The following CCDC134 variants were observed in gnomAD, a reference collection of about 807,000 sequenced individuals.
CCDC134 encodes coiled-coil domain-containing protein 134.
In CCDC134, 27 loss-of-function variants were observed where a neutral mutation model predicts 25.6. That is an observed-to-expected ratio of 1.05 (90% CI 0.78 to 1.45). CCDC134 has a LOEUF of 1.45. Among genes scored for constraint, CCDC134 ranks in the 40% most tolerant of loss-of-function variants. CCDC134 has a pLI of 0.00. For synonymous variants in CCDC134, 110 were observed against 115.0 expected (o/e 0.96, Z 0.28); for missense variants, 261 against 286.7 (o/e 0.91, Z 0.65).
chr22:41,813,762 G>A lies in CCDC134; in HGVS notation c.504G>A (p.Glu168=), dbSNP rs756052733. The stretch of plus-strand genomic sequence containing the variant: ...TTCTTCATCTGCAGATGGCCCAGGA[G>A]CTGGGGATCAGTGAGAAAGACTCCA... ...HSPILSLMAQ[E]LGISEKDSNF... The change falls in exon 6 of 7, where the codon GAG becomes GAA. Residue 168 remains glutamate (E), a synonymous_variant. Coordinates refer to ENST00000255784, the MANE Select transcript of CCDC134 (RefSeq NM_024821.5). The A allele has an allele frequency of 1.9e-6, 3 of 1,614,204 alleles. No homozygotes were observed. The highest frequency in any genetic ancestry group is 2.2e-5 in the South Asian group (2 of 91,092).
rs183674109 is a variant in CCDC134 at position 41,819,023 on chromosome 22, G to T, written c.564+5201G>T. 1.2e-4 allele frequency among the ~76,000 whole-genome samples: 19 copies of T among 152,256 alleles called. No homozygotes were observed. In the East Asian group the frequency reaches 3.3e-3, roughly 26 times the overall value. ...GCTTTATCATAACGTATTCTACTTGGACATAACCACAGCAGCAACATACTT... is the reference window on the plus strand; with the variant it reads ...GCTTTATCATAACGTATTCTACTTGTACATAACCACAGCAGCAACATACTT... On this transcript the variant is annotated intron_variant, in intron 6 of 6. Coordinates refer to ENST00000255784, the MANE Select transcript of CCDC134 (RefSeq NM_024821.5).
intron 6 of CCDC134, among the ~76,000 whole-genome samples, chr22:41,816,321 A>C (rs2076622725): frequency 6.6e-6 from 1 of 152,268 alleles, no homozygotes; most frequent in Non-Finnish European, 1.5e-5. Flanking sequence ...AGACATCAGG[A>C]AAAGCAGATG....
rs759550671 is a variant in CCDC134, at chr22:41,825,257, C to T, written c.565-441C>T. Among the ~76,000 whole-genome samples the T allele has an allele frequency of 1.3e-5, 2 of 151,768 alleles. No individual in the cohort carries two copies. Among genetic ancestry groups the T allele is most frequent in the Non-Finnish European group, 2.9e-5 (2 of 67,924 alleles). ...CAGTTGAAGAATGCCCCCACGCCAC[C>T]CCCTACCGCCAATGAAGTCCTCATC... On this transcript the variant is annotated intron_variant, in intron 6 of 6. Coordinates refer to ENST00000255784, the MANE Select transcript of CCDC134 (RefSeq NM_024821.5). This position sits in a 1 kb window ranked among gnomAD's most constrained non-coding sequence, Gnocchi z 4.4.
intron 1 of CCDC134, among the ~76,000 whole-genome samples, chr22:41,808,547 G>T (rs1383046995): frequency 6.6e-6 from 1 of 152,198 alleles, no homozygotes; most frequent in Non-Finnish European, 1.5e-5. Context: ...GAAGGCTGAG[G>T]CTCAGAAAGG....
At chr22:41,802,050 C>T (rs1008296409) in intron 1 of CCDC134, among the ~76,000 whole-genome samples, 4 of 152,150 alleles carry the variant, frequency 2.6e-5, no homozygotes, top group Non-Finnish European at 4.4e-5. Flanking sequence ...TGTAAGTTTG[C>T]AGTGGCCTTT....
intron 6 of CCDC134, among the ~76,000 whole-genome samples, chr22:41,818,476 G>C (rs1569357485): frequency 6.6e-6 from 1 of 152,202 alleles, no homozygotes; most frequent in Non-Finnish European, 1.5e-5. Flanking sequence ...TCTGCTAAGG[G>C]CTAACCTTGG....
At chr22:41,818,532 C>CT (rs1420743730) in intron 6 of CCDC134, among the ~76,000 whole-genome samples, 1 of 152,206 alleles carries the variant, frequency 6.6e-6, no homozygotes, top group African/African-American at 2.4e-5. Context: ...TGTGTTGACT[C>CT]TTTTCTGTAC....
intron 6 of CCDC134, among the ~76,000 whole-genome samples, chr22:41,824,032 C>T (rs1165822092): frequency 4.6e-5 from 7 of 152,218 alleles, no homozygotes; most frequent in African/African-American, 7.2e-5. Context: ...ATATTGAATG[C>T]TCTTGAAAAG....
chr22:41,803,427 G>A (rs939658430), intron 1 of CCDC134, among the ~76,000 whole-genome samples: 7 of 152,138 alleles, frequency 4.6e-5, no homozygotes, highest in African/African-American at 1.7e-4. Context: ...ATTCTGTCAG[G>A]AGTGATACTT....
intron 1 of CCDC134, among the ~76,000 whole-genome samples, chr22:41,804,319 T>C (rs2076557866): frequency 6.6e-6 from 1 of 152,190 alleles, no homozygotes; most frequent in Non-Finnish European, 1.5e-5. Context: ...ACAAGGCTTG[T>C]ACCTTAAAGT....
At position 41,825,620 on chromosome 22, in the gene CCDC134, CA is replaced by C; in HGVS notation, c.565-77del. On this transcript the variant is annotated intron_variant, in intron 6 of 6. Coordinates refer to ENST00000255784, the MANE Select transcript of CCDC134 (RefSeq NM_024821.5). This position sits in a 1 kb window ranked among gnomAD's most constrained non-coding sequence, Gnocchi z 4.4. ...TGTCCAGGGAACCTTCCTATTCCCA[CA>C]CCCCGCTGGTGGCCTAGCTCAGAGC... 1 of 1,578,452 alleles carries C rather than the reference CA, an allele frequency of 6.3e-7. No individual in the cohort carries two copies. The highest frequency in any genetic ancestry group is 8.6e-7 in the Non-Finnish European group (1 of 1,158,930).
intron 1 of CCDC134, among the ~76,000 whole-genome samples, chr22:41,804,240 C>T (rs1423640093): frequency 6.6e-6 from 1 of 152,158 alleles, no homozygotes; most frequent in Non-Finnish European, 1.5e-5. Context: ...TCCTGGTTTG[C>T]AGTTTGAATG....
At position 41,826,860 on chromosome 22, in the gene CCDC134, T is replaced by C. The variant is rs2076682200; in HGVS notation, c.*1037T>C. 2.0e-5 allele frequency among the ~76,000 whole-genome samples: 3 copies of C among 152,208 alleles called. No individual in the cohort carries two copies. The highest frequency in any genetic ancestry group is 7.2e-5 in the African/African-American group (3 of 41,468). On this transcript the variant is annotated 3_prime_UTR_variant, in exon 7 of 7. Transcript: ENST00000255784. ...TAGTGAGAATTCTAGCTCTGCCTCTTTGACCTTGCCAAGTCAGGATCTGCC... is the reference window on the plus strand; with the variant it reads ...TAGTGAGAATTCTAGCTCTGCCTCTCTGACCTTGCCAAGTCAGGATCTGCC...
chr22:41,832,117 T>C lies in CCDC134; in HGVS notation c.*6294T>C, dbSNP rs2076715622. 6.6e-6 allele frequency: 1 copy of C among 152,222 alleles called. No individual in the cohort carries two copies. The highest frequency in any genetic ancestry group is 1.5e-5 in the Non-Finnish European group (1 of 68,036). 9.4% of individuals were successfully genotyped at this position (152,222 alleles called of 1,614,324 possible). ...CTTCAACTTTTCCCTTTTATCAATA[T>C]ATTGTGAACGCCTTTTCTTGCTAAT... On this transcript the variant is annotated 3_prime_UTR_variant, in exon 7 of 7. Transcript: ENST00000255784.
intron 6 of CCDC134, among the ~76,000 whole-genome samples, chr22:41,824,741 CAG>C (rs2076668301): frequency 6.6e-6 from 1 of 152,060 alleles, no homozygotes; most frequent in South Asian, 2.1e-4. Context: ...GCCTGAGCGA[CAG>C]AGCAAGACCT....
chr22:41,810,155 C>T, intron 3 of CCDC134, 52 bp from the exon 4 acceptor site: 1 of 1,597,186 alleles, frequency 6.3e-7, no homozygotes. Context: ...GGGATGGGAG[C>T]AGTCTGTGAT....
intron 1 of CCDC134, among the ~76,000 whole-genome samples, chr22:41,808,510 ACCT>A (rs900139173): frequency 6.6e-6 from 1 of 151,966 alleles, no homozygotes. Flanking sequence ...CAGGGAGGTG[ACCT>A]CCTTATCCCT....
chr22:41,803,512 A>G (rs939276536), intron 1 of CCDC134, among the ~76,000 whole-genome samples: 2 of 152,224 alleles, frequency 1.3e-5, no homozygotes, highest in Non-Finnish European at 2.9e-5. Flanking sequence ...TCACCCCTGT[A>G]ATCCTGGCAC....
At chr22:41,807,551 G>T (rs975481469) in intron 1 of CCDC134, among the ~76,000 whole-genome samples, 5 of 129,022 alleles carry the variant, frequency 3.9e-5, no homozygotes, top group African/African-American at 1.6e-4. Flanking sequence ...AGCAGAGCAG[G>T]ACCCTGTCTC....
Sources: allele counts gnomAD v4.1 joint callset (sites outside exome capture counted in the v4.1 genomes callset), GRCh38; gene constraint gnomAD v4.1.1; non-coding constraint Gnocchi (gnomAD v3.1); transcripts MANE v1.5; gene names NCBI Gene and HGNC (gene_info 2026-07-23, HGNC 2026-07-21).